Variants in EPB41L3 observed in about 807,000 individuals in gnomAD.
The protein encoded by EPB41L3 is band 4.1-like protein 3.
EPB41L3 carries 57 observed loss-of-function variants against 127.1 expected under a neutral mutation model. The ratio of observed to expected loss-of-function variants is 0.45; its 90% CI spans 0.36 to 0.56. The LOEUF (loss-of-function observed/expected upper bound fraction) is 0.56, where lower values mean the gene tolerates loss of function less well. Among genes scored for constraint, EPB41L3 ranks in the 20% least tolerant of loss-of-function variants. EPB41L3 has a pLI of 0.00. For synonymous variants in EPB41L3, 572 were observed against 549.5 expected, an observed-to-expected ratio of 1.04 and a Z score of -0.57; for missense variants, 1,273 against 1,372.2, an observed-to-expected ratio of 0.93 and a Z score of 1.14.
At chr18:5,616,948 G>C (rs1034589538) in intron 1 of EPB41L3, among the ~76,000 whole-genome samples, 5 of 152,116 alleles carry the variant, frequency 3.3e-5, no homozygotes, top group Admixed American at 6.5e-5. Flanking sequence ...AACATTTCTT[G>C]TGTATACGTG....
rs191901440 is a variant in EPB41L3 at position 5,564,204 on chromosome 18, A to G, written c.-306+48136T>C. ...AGGAGTGAAAGATTTAAAGAAATGG[A>G]GATATTTAAATATAAATGACTATAG... is the stretch of plus-strand genomic sequence containing the variant. On this transcript the variant is annotated intron_variant, in intron 3 of 21. Transcript: ENST00000545076. Among the ~76,000 whole-genome samples, 194 of 152,274 alleles carry G rather than the reference A, an allele frequency of 1.3e-3. 1 individual carries two copies. The highest frequency in any genetic ancestry group is 4.5e-3 in the African/African-American group (187 of 41,564).
intron 3 of EPB41L3, among the ~76,000 whole-genome samples, chr18:5,570,566 T>C (rs2094264307): frequency 6.6e-6 from 1 of 152,022 alleles, no homozygotes; most frequent in African/African-American, 2.4e-5. Context: ...GCCCATTCTT[T>C]TTCTTTTTCT....
chr18:5,444,641 C>T (rs1464875745), intron 4 of EPB41L3, among the ~76,000 whole-genome samples: 1 of 152,132 alleles, frequency 6.6e-6, no homozygotes, highest in Non-Finnish European at 1.5e-5. Context: ...ACACAATCCC[C>T]CTCATATTCT....
chr18:5,424,432 A>T, intron 9 of EPB41L3, 73 bp from the exon 10 acceptor site: 1 of 1,235,022 alleles, frequency 8.1e-7, no homozygotes, highest in Non-Finnish European at 1.1e-6. Context: ...AATAAATTAC[A>T]GAATCATGAT....
rs997898735 is a variant in EPB41L3 at position 5,425,060 on chromosome 18, C to T, written c.1066-701G>A. 2.6e-5 allele frequency among the ~76,000 whole-genome samples: 4 copies of T among 152,176 alleles called. No homozygotes were observed. The East Asian group carries it at 5.8e-4, about 22-fold the overall frequency. ...ATTTCCTGCATAATATACTTTATTA[C>T]TGCAGATGCACAGGTTTTCACATTC... is the stretch of plus-strand genomic sequence containing the variant. On this transcript the variant is annotated intron_variant, in intron 9 of 22. Coordinates refer to ENST00000341928, the MANE Select transcript of EPB41L3 (RefSeq NM_012307.5).
intron 1 of EPB41L3, among the ~76,000 whole-genome samples, chr18:5,619,867 C>A (rs1033448992): frequency 2.0e-5 from 3 of 151,992 alleles, no homozygotes; most frequent in Non-Finnish European, 4.4e-5. Flanking sequence ...AAATGAGATT[C>A]CAGGTAACAC....
chr18:5,413,949 A>G (rs1452300776), intron 13 of EPB41L3, among the ~76,000 whole-genome samples: 1 of 152,210 alleles, frequency 6.6e-6, no homozygotes, highest in East Asian at 1.9e-4. Context: ...TTTAACATTA[A>G]TTCTCATGCA....
At chr18:5,521,424 T>C (rs1183100118) in intron 1 of EPB41L3, 2 of 152,216 alleles carry the variant, frequency 1.3e-5, no homozygotes, top group Admixed American at 1.3e-4. Context: ...TAGTACCAAA[T>C]GCCAGGAATT....
In EPB41L3 at chr18:5,416,119, G is replaced by A; in HGVS notation, c.1766C>T (p.Ser589Phe). ...TGKGTTLFSF[S>F]LQLPESFPSL... ...GGGGAATGACTCAGGGAGCTGCAAG[G>A]AGAAGGAGAACAGGGTGGTCCCCTT... Residue 589 changes from serine to phenylalanine, a missense_variant, in exon 13 of 23, where the codon TCC becomes TTC. Physicochemically the swap from Ser to Phe is radical, Grantham distance 155 (BLOSUM62 -2). Transcript: ENST00000341928. 6.2e-7 allele frequency: 1 copy of A among 1,613,082 alleles called. No homozygotes were observed. The highest frequency in any genetic ancestry group is 2.2e-5 in the East Asian group (1 of 44,870).
intron 3 of EPB41L3, among the ~76,000 whole-genome samples, chr18:5,467,106 T>C (rs565287969): frequency 2.1e-3 from 317 of 152,348 alleles, no homozygotes; most frequent in Non-Finnish European, 3.5e-3. Context: ...AGCTAGATGA[T>C]GTGATAACTA....
chr18:5,468,380 G>A (rs931909575), intron 3 of EPB41L3, among the ~76,000 whole-genome samples: 3 of 152,188 alleles, frequency 2.0e-5, no homozygotes, highest in South Asian at 2.1e-4. Context: ...GGTGGAGTCC[G>A]CGGCCCCCTG....
At position 5,543,672 on chromosome 18, in the gene EPB41L3, A is replaced by C. The variant is rs994177508; in HGVS notation, c.-12+241T>G. On this transcript the variant is annotated intron_variant, in intron 1 of 22. Transcript: ENST00000341928. This position sits in a 1 kb window ranked among gnomAD's most constrained non-coding sequence, Gnocchi z 5.2. The stretch of plus-strand genomic sequence containing the variant: ...GCCACTACTGCGCCGCGGCGGGCGG[A>C]GCGGGCGGGGGGCGCGGCGCGCAGG... Among the ~76,000 whole-genome samples the C allele has an allele frequency of 6.8e-6, 1 of 146,064 alleles. No homozygotes were observed. The highest frequency in any genetic ancestry group is 2.5e-5 in the African/African-American group (1 of 40,536).
chr18:5,479,644 T>G (rs2088006045), intron 2 of EPB41L3: 1 of 152,136 alleles, frequency 6.6e-6, no homozygotes, highest in African/African-American at 2.4e-5. Flanking sequence ...GGCAAAGTCT[T>G]GAGAACTTCT....
intron 16 of EPB41L3, among the ~76,000 whole-genome samples, chr18:5,403,638 T>C (rs1341247401): frequency 6.7e-6 from 1 of 150,370 alleles, no homozygotes; most frequent in Non-Finnish European, 1.5e-5. Context: ...AAGTCATAAG[T>C]TTGGGGTCAC....
At chr18:5,441,710 C>T (rs1319375133) in intron 5 of EPB41L3, among the ~76,000 whole-genome samples, 1 of 152,074 alleles carries the variant, frequency 6.6e-6, no homozygotes, top group Non-Finnish European at 1.5e-5. Context: ...GTGATCCGCC[C>T]GTCTCGGCCT....
intron 1 of EPB41L3, among the ~76,000 whole-genome samples, chr18:5,622,922 G>C (rs2094879676): frequency 1.4e-5 from 2 of 143,494 alleles, no homozygotes; most frequent in Admixed American, 1.4e-4. Flanking sequence ...GAGTTACAGA[G>C]ACAGAGAGAT....
chr18:5,494,489 C>T (rs1326891000), intron 1 of EPB41L3, among the ~76,000 whole-genome samples: 1 of 152,168 alleles, frequency 6.6e-6, no homozygotes, highest in African/African-American at 2.4e-5. Flanking sequence ...GAAACCCCAT[C>T]TCTACTAAAA....
chr18:5,589,762 G>A lies in EPB41L3; in HGVS notation c.-306+22578C>T, dbSNP rs114338913. The stretch of plus-strand genomic sequence containing the variant: ...TTTTATGCACACTTTTTTGGGGTCT[G>A]CTGCTGTTTTAAATGAGGACTCCTG... On this transcript the variant is annotated intron_variant, in intron 3 of 21. Transcript: ENST00000545076. 9.5e-3 allele frequency among the ~76,000 whole-genome samples: 1,450 copies of A among 152,272 alleles called. 21 individuals are homozygous for A. Among genetic ancestry groups the A allele is most frequent in the African/African-American group, 0.028 (1,155 of 41,554 alleles).
chr18:5,503,724 T>C (rs181766025), intron 1 of EPB41L3, among the ~76,000 whole-genome samples: 69 of 152,372 alleles, frequency 4.5e-4, no homozygotes, highest in Non-Finnish European at 8.2e-4. Context: ...GTGCATATTT[T>C]GATTACTATG....
Sources: allele counts gnomAD v4.1 joint callset (sites outside exome capture counted in the v4.1 genomes callset), GRCh38; gene constraint gnomAD v4.1.1; non-coding constraint Gnocchi (gnomAD v3.1); transcripts MANE v1.5; gene names NCBI Gene and HGNC (gene_info 2026-07-23, HGNC 2026-07-21).